The following CALCR variants were observed in gnomAD, a reference collection of about 807,000 sequenced individuals.
CALCR encodes calcitonin receptor.
Under a neutral mutation model 59.5 loss-of-function variants are expected in CALCR, and 47 were observed. The ratio of observed to expected loss-of-function variants is 0.79; its 90% CI spans 0.63 to 1.01. The LOEUF (loss-of-function observed/expected upper bound fraction) is 1.01. Among genes scored for constraint, CALCR ranks in the 50% least tolerant of loss-of-function variants. CALCR has a pLI of 0.00. For synonymous variants in CALCR, 213 were observed against 211.3 expected (o/e 1.01, Z -0.07); for missense variants, 566 against 597.1 (o/e 0.95, Z 0.54).
intron 9 of CALCR, chr7:93,441,681 T>C (rs894035771): frequency 2.6e-6 from 1 of 386,676 alleles, no homozygotes; most frequent in African/African-American, 2.1e-5. Context: ...ATTTCTAACC[T>C]CACTGGATGG....
chr7:93,487,559 G>A (rs1360270478), intron 2 of CALCR, among the ~76,000 whole-genome samples: 1 of 151,454 alleles, frequency 6.6e-6, no homozygotes, highest in Non-Finnish European at 1.5e-5. Flanking sequence ...CAATGATTGA[G>A]CATGTCATTT....
At chr7:93,493,301 G>A (rs1801125475) in intron 2 of CALCR, among the ~76,000 whole-genome samples, 1 of 151,270 alleles carries the variant, frequency 6.6e-6, no homozygotes, top group African/African-American at 2.4e-5. Flanking sequence ...AAATCTAAAT[G>A]TATTATTTTC....
Position 93,479,560 on chromosome 7 carries a change from C to G in CALCR, c.52-53G>C, listed in dbSNP as rs972213410. The G allele has an allele frequency of 7.4e-6, 11 of 1,484,582 alleles. No homozygotes were observed. The African/African-American group carries it at 1.4e-4, about 19-fold the overall frequency. 92.0% of individuals were successfully genotyped at this position (1,484,582 alleles called of 1,614,324 possible). ...TATAGACAGGAGGAATGGGTGAGCA[C>G]AAATAAATGAGACAATGAAAAAGTT... On this transcript the variant is annotated intron_variant, in intron 3 of 13. Transcript: ENST00000426151.
chr7:93,529,362 C>G (rs1027213667), intron 2 of CALCR, among the ~76,000 whole-genome samples: 5 of 152,174 alleles, frequency 3.3e-5, no homozygotes, highest in South Asian at 4.1e-4. Flanking sequence ...TTGGAAACTT[C>G]CTGAGGCTTC....
intron 9 of CALCR, among the ~76,000 whole-genome samples, chr7:93,441,733 C>G (rs1400906426): frequency 6.6e-6 from 1 of 152,024 alleles, no homozygotes; most frequent in Non-Finnish European, 1.5e-5. Context: ...TATAAGGGAG[C>G]AGCCATGCAG....
Position 93,545,006 on chromosome 7 carries a change from G to A in CALCR, c.-27+29283C>T, listed in dbSNP as rs151281014. Among the ~76,000 whole-genome samples the A allele has an allele frequency of 1.2e-3, 177 of 152,160 alleles. 1 individual carries two copies. The highest frequency in any genetic ancestry group is 7.5e-3 in the South Asian group (36 of 4,828). Reference sequence around the variant, plus strand: ...ACGCTTTCCCCAGACTGTGGAGAAGGGCAGAAAACATGCTCTATGGTACTA... The same window carrying A: ...ACGCTTTCCCCAGACTGTGGAGAAGAGCAGAAAACATGCTCTATGGTACTA... On this transcript the variant is annotated intron_variant, in intron 2 of 13. Transcript: ENST00000426151.
intron 8 of CALCR, among the ~76,000 whole-genome samples, chr7:93,454,351 A>C (rs1372749358): frequency 1.3e-5 from 2 of 151,958 alleles, no homozygotes; most frequent in African/African-American, 4.8e-5. Flanking sequence ...AGAACTTGGA[A>C]CTCATTTGAC....
chr7:93,573,362 T>G (rs924997746), intron 2 of CALCR, among the ~76,000 whole-genome samples: 2 of 152,218 alleles, frequency 1.3e-5, no homozygotes, highest in African/African-American at 4.8e-5. Flanking sequence ...AACTTTGACT[T>G]ATTTTGAACA....
At chr7:93,460,554 TAAAAAAAAAAA>T (rs71537257) in intron 8 of CALCR, among the ~76,000 whole-genome samples, 37 of 79,270 alleles carry the variant, frequency 4.7e-4, no homozygotes, top group African/African-American at 2.7e-3. Flanking sequence ...AGACTCTATC[TAAAAAAAAAAA>T]AAAAAAAATA....
Position 93,424,536 on chromosome 7 carries a change from AT to A in CALCR, c.*1819del, listed in dbSNP as rs1421830683. 4 of 152,702 alleles carry A rather than the reference AT, an allele frequency of 2.6e-5. No homozygotes were observed. In the East Asian group the frequency reaches 7.7e-4, roughly 29 times the overall value. 9.5% of individuals were successfully genotyped at this position (152,702 alleles called of 1,614,324 possible). The stretch of plus-strand genomic sequence containing the variant: ...TCTTTAGAAAAATATGCAAATATAC[AT>A]CTTTTTGCTTTTAACGTACTCTGTA... On this transcript the variant is annotated 3_prime_UTR_variant, in exon 14 of 14. Transcript: ENST00000426151.
At chr7:93,507,751 CA>C (rs562704303) in intron 2 of CALCR, among the ~76,000 whole-genome samples, 5,555 of 52,054 alleles carry the variant, frequency 0.11, 352 homozygotes, top group African/African-American at 0.28. Flanking sequence ...ACTAAAAATA[CA>C]AAAAAAAAAA....
intron 9 of CALCR, chr7:93,441,458 C>A (rs1214554662): frequency 2.3e-6 from 1 of 442,428 alleles, no homozygotes; most frequent in South Asian, 1.6e-5. Flanking sequence ...CTTAGCATGA[C>A]CAGATTTGGA....
In CALCR at chr7:93,468,815, A is replaced by G. The variant is rs1488939362; in HGVS notation, c.430-9T>C. 1 of 1,129,252 alleles carries G rather than the reference A, an allele frequency of 8.9e-7. No homozygotes were observed. Among genetic ancestry groups the G allele is most frequent in the Non-Finnish European group, 1.3e-6 (1 of 794,528 alleles). The allele number at this position is 1,129,252 out of a possible 1,614,324, so 70.0% of individuals were successfully genotyped here. ...TACAGAACATATGCATTCTGGAACAACAAAAAGTAAACAAACAAACAATGA... is the reference window on the plus strand; with the variant it reads ...TACAGAACATATGCATTCTGGAACAGCAAAAAGTAAACAAACAAACAATGA... On this transcript the variant is annotated splice_polypyrimidine_tract_variant and intron_variant, in intron 6 of 13. Transcript: ENST00000426151.
chr7:93,559,071 A>C (rs993435172), intron 2 of CALCR, among the ~76,000 whole-genome samples: 24 of 152,156 alleles, frequency 1.6e-4, no homozygotes, highest in East Asian at 7.7e-4. Flanking sequence ...ACAACAACAA[A>C]AAAAATTCTT....
chr7:93,519,737 G>A (rs1393444412), intron 2 of CALCR, among the ~76,000 whole-genome samples: 3 of 151,846 alleles, frequency 2.0e-5, no homozygotes, highest in Non-Finnish European at 4.4e-5. Context: ...TAAATCATGG[G>A]GGCGATACTC....
chr7:93,553,954 C>A (rs1008377725), intron 2 of CALCR, among the ~76,000 whole-genome samples: 3 of 152,180 alleles, frequency 2.0e-5, no homozygotes, highest in Non-Finnish European at 4.4e-5. Context: ...GTGACCTCAG[C>A]ATCCTTCTCA....
At chr7:93,515,596 T>C (rs923622395) in intron 2 of CALCR, among the ~76,000 whole-genome samples, 5 of 152,178 alleles carry the variant, frequency 3.3e-5, no homozygotes, top group African/African-American at 1.2e-4. Context: ...TTGATTCTAA[T>C]GAAATATATA....
chr7:93,512,063 T>A (rs1801558405), intron 2 of CALCR, among the ~76,000 whole-genome samples: 1 of 152,164 alleles, frequency 6.6e-6, no homozygotes, highest in African/African-American at 2.4e-5. Flanking sequence ...TTAATGCTCT[T>A]CCTTAGGAGC....
intron 2 of CALCR, among the ~76,000 whole-genome samples, chr7:93,545,934 G>A (rs1047133055): frequency 7.2e-5 from 11 of 152,066 alleles, no homozygotes; most frequent in African/African-American, 2.7e-4. Context: ...AAGTGAAATA[G>A]TGGTAAGAAG....
Sources: gnomAD v4.1 joint callset for allele counts (sites outside exome capture counted in the v4.1 genomes callset) on GRCh38, gnomAD v4.1.1 for gene constraint, MANE v1.5 for transcripts, NCBI Gene and HGNC (gene_info 2026-07-23, HGNC 2026-07-21) for gene names.